Variants in PRUNE2 observed in about 807,000 individuals in gnomAD.
PRUNE2 encodes the protein prune homolog 2 with BCH domain.
Under a neutral mutation model 252.0 loss-of-function variants are expected in PRUNE2, and 164 were observed. The observed-to-expected ratio is 0.65, with a 90% CI of 0.57 to 0.74. PRUNE2 has a LOEUF of 0.74. Ranked by LOEUF, PRUNE2 falls within the 30% of genes least tolerant of loss-of-function variation. The pLI is 0.00. For synonymous variants in PRUNE2, 1,292 were observed against 1,350.2 expected (o/e 0.96, Z 0.94); for missense variants, 3,495 against 3,711.0 (o/e 0.94, Z 1.51).
intron 6 of PRUNE2, among the ~76,000 whole-genome samples, chr9:76,723,421 C>T (rs1377260720): frequency 2.6e-5 from 4 of 152,144 alleles, no homozygotes; most frequent in East Asian, 1.9e-4. Flanking sequence ...AGCTGACTTA[C>T]GTTCAAAAAC....
At chr9:76,863,238 C>T (rs1366473965) in intron 1 of PRUNE2, 2 of 152,050 alleles carry the variant, frequency 1.3e-5, no homozygotes, top group Non-Finnish European at 2.9e-5. Flanking sequence ...TTAATGTTCA[C>T]CAGAAAGTTA....
At chr9:76,796,931 C>T (rs1056714470) in intron 6 of PRUNE2, among the ~76,000 whole-genome samples, 4 of 152,158 alleles carry the variant, frequency 2.6e-5, no homozygotes, top group African/African-American at 7.2e-5. Flanking sequence ...TGCCAGCTTT[C>T]AGATCAAAAT....
chr9:76,806,798 G>A (rs1304901676), intron 6 of PRUNE2, among the ~76,000 whole-genome samples: 1 of 151,578 alleles, frequency 6.6e-6, no homozygotes, highest in African/African-American at 2.4e-5. Flanking sequence ...GATTACAGGC[G>A]TGAGCCACCG....
intron 1 of PRUNE2, among the ~76,000 whole-genome samples, chr9:76,855,082 AATATAT>A (rs1162386020): frequency 1.8e-5 from 2 of 109,412 alleles, no homozygotes; most frequent in African/African-American, 7.7e-5. Flanking sequence ...AAAAAAAAAA[AATATAT>A]ATATATATAT....
At chr9:76,682,915 T>C (rs1434886869) in intron 9 of PRUNE2, among the ~76,000 whole-genome samples, 1 of 152,184 alleles carries the variant, frequency 6.6e-6, no homozygotes, top group Non-Finnish European at 1.5e-5. Flanking sequence ...TGGCAAAAAC[T>C]AGGGCTTAGT....
chr9:76,639,121 GCAGTAGAGTCA>G (rs1400189347), intron 12 of PRUNE2, among the ~76,000 whole-genome samples: 1 of 152,018 alleles, frequency 6.6e-6, no homozygotes, highest in Non-Finnish European at 1.5e-5. Context: ...CATCTTTTTT[GCAGTAGAGTCA>G]CACTCTCTTT....
intron 2 of PRUNE2, among the ~76,000 whole-genome samples, chr9:76,851,753 C>T (rs1394294939): frequency 6.6e-6 from 1 of 152,106 alleles, no homozygotes; most frequent in Non-Finnish European, 1.5e-5. Flanking sequence ...TCATAAAAAA[C>T]ATTTTTTATT....
chr9:76,774,755 G>A (rs1022008275), intron 6 of PRUNE2, among the ~76,000 whole-genome samples: 2 of 152,002 alleles, frequency 1.3e-5, no homozygotes, highest in East Asian at 1.9e-4. Flanking sequence ...CACTAGGCCC[G>A]ACCCAATTCT....
chr9:76,886,707 T>G (rs953413668), intron 1 of PRUNE2, among the ~76,000 whole-genome samples: 3 of 152,174 alleles, frequency 2.0e-5, no homozygotes, highest in Non-Finnish European at 2.9e-5. Flanking sequence ...CTGAAGCGGG[T>G]GAACACACAA....
chr9:76,847,903 ACT>A (rs2059754202), intron 3 of PRUNE2, among the ~76,000 whole-genome samples: 1 of 151,980 alleles, frequency 6.6e-6, no homozygotes, highest in Non-Finnish European at 1.5e-5. Context: ...ATTGACACAC[ACT>A]CGTTCCACAA....
At chr9:76,885,015 G>A (rs558692098) in intron 1 of PRUNE2, among the ~76,000 whole-genome samples, 136 of 152,368 alleles carry the variant, frequency 8.9e-4, no homozygotes, top group African/African-American at 3.0e-3. Flanking sequence ...CTGAAGAGGT[G>A]TGTCTGGTTT....
At chr9:76,691,341 C>G (rs583986) in intron 9 of PRUNE2, among the ~76,000 whole-genome samples, 150,572 of 152,374 alleles carry the variant, frequency 0.99, 74,398 homozygotes, top group Middle Eastern at 0.99. Context: ...TAAGAGTCTA[C>G]CGTTGTTTTC....
intron 1 of PRUNE2, among the ~76,000 whole-genome samples, chr9:76,877,499 A>AACACAC (rs113656279): frequency 6.7e-6 from 1 of 150,168 alleles, no homozygotes; most frequent in African/African-American, 2.4e-5. Flanking sequence ...TCTCAATTAA[A>AACACAC]ACACACACAC....
intron 6 of PRUNE2, among the ~76,000 whole-genome samples, chr9:76,771,931 A>C (rs1385263172): frequency 1.3e-5 from 2 of 152,212 alleles, no homozygotes; most frequent in Non-Finnish European, 2.9e-5. Context: ...TGTGACAAGG[A>C]GGACACTAAT....
At chr9:76,633,625 T>C (rs921646091) in intron 15 of PRUNE2, among the ~76,000 whole-genome samples, 3 of 152,052 alleles carry the variant, frequency 2.0e-5, no homozygotes, top group Middle Eastern at 3.2e-3. Flanking sequence ...ACTTACTTGT[T>C]TGCATGTTTC....
chr9:76,702,730 C>T (rs1357813233), intron 9 of PRUNE2, among the ~76,000 whole-genome samples: 4 of 152,134 alleles, frequency 2.6e-5, no homozygotes, highest in South Asian at 4.1e-4. Context: ...TCTTATCTAA[C>T]TATAAGTTAG....
intron 7 of PRUNE2, among the ~76,000 whole-genome samples, chr9:76,713,078 T>C (rs946380598): frequency 2.1e-5 from 3 of 144,676 alleles, no homozygotes; most frequent in Admixed American, 2.0e-4. Flanking sequence ...ATCTAATTCT[T>C]TTTTTTTTTT....
At chr9:76,862,147 G>C (rs12337899) in intron 1 of PRUNE2, 1 of 152,402 alleles carries the variant, frequency 6.6e-6, no homozygotes, top group Non-Finnish European at 1.5e-5. Context: ...GGCCAGGCAC[G>C]GTGGCTCACG....
intron 9 of PRUNE2, among the ~76,000 whole-genome samples, chr9:76,669,546 C>T (rs955794880): frequency 1.3e-5 from 2 of 152,170 alleles, no homozygotes; most frequent in African/African-American, 4.8e-5. Context: ...TCTTGAACTC[C>T]TGACCTCAGG....
Sources: allele counts gnomAD v4.1 joint callset (sites outside exome capture counted in the v4.1 genomes callset), GRCh38; gene constraint gnomAD v4.1.1; transcripts MANE v1.5; gene names NCBI Gene and HGNC (gene_info 2026-07-23, HGNC 2026-07-21).